The following MIGA1 variants were observed in gnomAD, a reference collection of about 807,000 sequenced individuals.
MIGA1 encodes mitoguardin 1.
In MIGA1, 58 loss-of-function variants were observed where a neutral mutation model predicts 82.0. The ratio of observed to expected loss-of-function variants is 0.71; its 90% CI spans 0.57 to 0.88. The LOEUF (loss-of-function observed/expected upper bound fraction) is 0.88, where lower values mean the gene tolerates loss of function less well. MIGA1 is among the 40% of genes least tolerant of loss of function. The probability of loss-of-function intolerance (pLI) is 0.00; values close to 1 mark genes in which losing one functional copy is unlikely to be tolerated. For synonymous variants in MIGA1, 249 were observed against 253.6 expected (o/e 0.98, Z 0.17); for missense variants, 751 against 749.1 (o/e 1.00, Z -0.03).
chr1:77,783,745 A>G (rs1221900544), intron 2 of MIGA1, among the ~76,000 whole-genome samples: 1 of 152,214 alleles, frequency 6.6e-6, no homozygotes, highest in African/African-American at 2.4e-5. Context: ...CCTTAAGTAC[A>G]TTCACATTGT....
At chr1:77,783,112 T>G in intron 1 of MIGA1, 126 bp from the exon 2 acceptor site, 2 of 572,930 alleles carry the variant, frequency 3.5e-6, no homozygotes, top group Non-Finnish European at 5.8e-6. Context: ...TTAGCTCAAG[T>G]GTAATGTCAT....
intron 8 of MIGA1, among the ~76,000 whole-genome samples, chr1:77,851,017 C>A (rs1398453342): frequency 6.6e-6 from 1 of 152,106 alleles, no homozygotes; most frequent in Admixed American, 6.6e-5. Flanking sequence ...TTGCAGGCAC[C>A]TGCCACCACA....
At chr1:77,856,950 C>A (rs1286445433) in intron 8 of MIGA1, among the ~76,000 whole-genome samples, 1 of 151,878 alleles carries the variant, frequency 6.6e-6, no homozygotes, top group Non-Finnish European at 1.5e-5. Flanking sequence ...TGTCTAGTTG[C>A]TTGAGGTATG....
At chr1:77,869,567 G>A (rs972606457) in intron 14 of MIGA1, among the ~76,000 whole-genome samples, 2 of 140,800 alleles carry the variant, frequency 1.4e-5, no homozygotes, top group Non-Finnish European at 3.1e-5. Flanking sequence ...TGGCCGGGCG[G>A]GGGGCTGACC....
chr1:77,815,293 T>A, intron 7 of MIGA1, 62 bp downstream of exon 7: 1 of 1,356,054 alleles, frequency 7.4e-7, no homozygotes, highest in Non-Finnish European at 1.0e-6. Context: ...ATCCTTGGAA[T>A]CATCTGCATA....
intron 8 of MIGA1, among the ~76,000 whole-genome samples, chr1:77,852,131 C>G (rs964391995): frequency 1.3e-5 from 2 of 152,078 alleles, no homozygotes; most frequent in African/African-American, 4.8e-5. Context: ...GTGATCTGCG[C>G]ACGTCAACCT....
At chr1:77,790,922 T>A (rs1388136437) in intron 2 of MIGA1, among the ~76,000 whole-genome samples, 1 of 152,084 alleles carries the variant, frequency 6.6e-6, no homozygotes, top group Non-Finnish European at 1.5e-5. Context: ...TGAACCCTAA[T>A]CTGTTTTCCA....
intron 7 of MIGA1, among the ~76,000 whole-genome samples, chr1:77,819,390 T>G (rs1683712806): frequency 6.8e-6 from 1 of 147,618 alleles, no homozygotes; most frequent in Admixed American, 6.8e-5. Flanking sequence ...TTCAAGCAAT[T>G]CTCCTGCCTC....
chr1:77,852,495 G>A (rs11162390), intron 8 of MIGA1, among the ~76,000 whole-genome samples: 136,744 of 151,944 alleles, frequency 0.9, 61,759 homozygotes, highest in African/African-American at 0.95. Context: ...ACATATTTAT[G>A]TATCATAAAT....
At chr1:77,852,953 A>G (rs1013993576) in intron 8 of MIGA1, among the ~76,000 whole-genome samples, 1 of 152,206 alleles carries the variant, frequency 6.6e-6, no homozygotes, top group Non-Finnish European at 1.5e-5. Flanking sequence ...GGCCTCCCAA[A>G]GTGCTGGGAT....
chr1:77,841,066 A>G (rs552810702), intron 7 of MIGA1, among the ~76,000 whole-genome samples: 2 of 152,250 alleles, frequency 1.3e-5, no homozygotes, highest in Admixed American at 1.3e-4. Context: ...GTCCCAAAAT[A>G]CCAGTTTGAT....
At chr1:77,871,100 A>G (rs1251353144) in intron 14 of MIGA1, among the ~76,000 whole-genome samples, 3 of 7,442 alleles carry the variant, frequency 4.0e-4, no homozygotes, top group South Asian at 0.013. Flanking sequence ...GAAGGGGGAG[A>G]GGGAGAGGGA....
At chr1:77,801,196 T>C (rs1682866918) in intron 2 of MIGA1, 135 bp from the exon 3 acceptor site, 3 of 583,996 alleles carry the variant, frequency 5.1e-6, no homozygotes, top group South Asian at 3.2e-5. Flanking sequence ...TAGCTTGTCA[T>C]TGAAAGAGTG....
intron 5 of MIGA1, among the ~76,000 whole-genome samples, chr1:77,812,907 C>G (rs1376076336): frequency 6.6e-6 from 1 of 152,182 alleles, no homozygotes. Flanking sequence ...CATAGTGGTT[C>G]AGGACACCCT....
intron 8 of MIGA1, among the ~76,000 whole-genome samples, chr1:77,851,817 T>A (rs1685062187): frequency 6.6e-6 from 1 of 152,060 alleles, no homozygotes; most frequent in African/African-American, 2.4e-5. Context: ...TGTCTTCTTA[T>A]TATTGTTAGA....
chr1:77,823,692 G>C (rs1489443835), intron 7 of MIGA1, among the ~76,000 whole-genome samples: 1 of 152,182 alleles, frequency 6.6e-6, no homozygotes, highest in African/African-American at 2.4e-5. Flanking sequence ...AGCCTCCTGA[G>C]TAGCTAGGAC....
intron 8 of MIGA1, among the ~76,000 whole-genome samples, chr1:77,855,392 A>G (rs549443821): frequency 6.6e-6 from 1 of 152,276 alleles, no homozygotes; most frequent in Admixed American, 6.5e-5. Flanking sequence ...TTGGTTGCAT[A>G]TGAATTTTAG....
Position 77,875,104 on chromosome 1 carries a change from AT to A in MIGA1, c.*44del, listed in dbSNP as rs530522111. ...ATACAATTTGAGTGTGCTATGAAAT[AT>A]TTTAAGGTAACTATTGATTTTGTAA... On this transcript the variant is annotated 3_prime_UTR_variant, in exon 16 of 16. Coordinates refer to ENST00000370791, the MANE Select transcript of MIGA1 (RefSeq NM_198549.4). The A allele has an allele frequency of 1.7e-3, 2,558 of 1,467,572 alleles. 2 individuals are homozygous for A. Among genetic ancestry groups the A allele is most frequent in the Non-Finnish European group, 2.2e-3 (2,282 of 1,054,220 alleles). The allele number at this position is 1,467,572 out of a possible 1,614,324, so 90.9% of individuals were successfully genotyped here.
chr1:77,835,324 T>G (rs1684385910), intron 7 of MIGA1, among the ~76,000 whole-genome samples: 1 of 152,222 alleles, frequency 6.6e-6, no homozygotes, highest in African/African-American at 2.4e-5. Context: ...CATTGTGGTG[T>G]TAATGTACTT....
Sources: gnomAD v4.1 joint callset for allele counts (sites outside exome capture counted in the v4.1 genomes callset) on GRCh38, gnomAD v4.1.1 for gene constraint, MANE v1.5 for transcripts, NCBI Gene and HGNC (gene_info 2026-07-23, HGNC 2026-07-21) for gene names.